The following USH2A variants were observed in gnomAD, a reference collection of about 807,000 sequenced individuals.
USH2A encodes the protein Usher syndrome 2A (autosomal recessive, mild).
Under a neutral mutation model 538.9 loss-of-function variants are expected in USH2A, and 443 were observed. The observed-to-expected ratio is 0.82, with a 90% CI of 0.76 to 0.89. The LOEUF (loss-of-function observed/expected upper bound fraction) is 0.89, where lower values mean the gene tolerates loss of function less well. USH2A is among the 40% of genes least tolerant of loss of function. USH2A has a pLI of 0.00. For missense variants in USH2A, 6,633 were observed against 6,324.8 expected (o/e 1.05, Z -1.65); for synonymous variants, 2,413 against 2,273.5 (o/e 1.06, Z -1.75).
intron 4 of USH2A, among the ~76,000 whole-genome samples, chr1:216,359,929 G>A (rs1322250911): frequency 6.6e-6 from 1 of 152,130 alleles, no homozygotes; most frequent in Non-Finnish European, 1.5e-5. Context: ...TGCTGGTGAG[G>A]ATGTGGGGCA....
chr1:216,370,783 G>T (rs1393947275), intron 3 of USH2A, among the ~76,000 whole-genome samples: 2 of 150,964 alleles, frequency 1.3e-5, no homozygotes, highest in Non-Finnish European at 2.9e-5. Context: ...GTTGCAGTCA[G>T]TTAGGGTTTT....
At chr1:215,974,869 G>C (rs1667585492) in intron 35 of USH2A, among the ~76,000 whole-genome samples, 1 of 152,140 alleles carries the variant, frequency 6.6e-6, no homozygotes, top group Non-Finnish European at 1.5e-5. Flanking sequence ...ATGGGTTGCT[G>C]GGTCAAATGG....
chr1:216,142,198 G>T (rs2033616319), intron 21 of USH2A, among the ~76,000 whole-genome samples: 1 of 152,194 alleles, frequency 6.6e-6, no homozygotes, highest in South Asian at 2.1e-4. Context: ...ATTCATAAAA[G>T]ATGAAATGTG....
intron 14 of USH2A, among the ~76,000 whole-genome samples, chr1:216,225,546 C>A (rs955256982): frequency 6.6e-6 from 1 of 152,052 alleles, no homozygotes; most frequent in Non-Finnish European, 1.5e-5. Flanking sequence ...CCATGGGAAG[C>A]TTTATTCTTT....
chr1:216,167,623 G>A (rs1313952038), intron 21 of USH2A, among the ~76,000 whole-genome samples: 5 of 152,078 alleles, frequency 3.3e-5, no homozygotes, highest in African/African-American at 4.8e-5. Context: ...GAGAAGGGAC[G>A]CAAGACCTCG....
intron 38 of USH2A, among the ~76,000 whole-genome samples, chr1:215,929,139 C>T (rs1406988656): frequency 1.8e-5 from 2 of 108,952 alleles, no homozygotes; most frequent in Non-Finnish European, 3.8e-5. Flanking sequence ...TTGCTTTGGG[C>T]TAGCATTAAC....
At chr1:216,354,299 A>G (rs55720440) in intron 4 of USH2A, among the ~76,000 whole-genome samples, 1,824 of 152,266 alleles carry the variant, frequency 0.012, 20 homozygotes, top group Non-Finnish European at 0.02. Context: ...CACCTCTTTC[A>G]TTCTTTTACG....
intron 64 of USH2A, among the ~76,000 whole-genome samples, chr1:215,657,352 C>T (rs183108471): frequency 4.6e-5 from 7 of 152,238 alleles, no homozygotes; most frequent in Admixed American, 3.9e-4. Flanking sequence ...TTGCTGGAAT[C>T]GCGGTTAAAG....
intron 11 of USH2A, among the ~76,000 whole-genome samples, chr1:216,285,679 C>G (rs199917829): frequency 6.6e-6 from 1 of 152,196 alleles, no homozygotes; most frequent in African/African-American, 2.4e-5. Context: ...CACAGACACT[C>G]AATGCCAGCC....
At chr1:216,188,814 C>G (rs2034658820) in intron 20 of USH2A, among the ~76,000 whole-genome samples, 1 of 151,872 alleles carries the variant, frequency 6.6e-6, no homozygotes, top group Non-Finnish European at 1.5e-5. Flanking sequence ...GATGTGATTC[C>G]AGTTTTGCAT....
intron 44 of USH2A, among the ~76,000 whole-genome samples, chr1:215,858,117 C>A (rs1214963678): frequency 2.0e-5 from 3 of 151,978 alleles, no homozygotes; most frequent in Non-Finnish European, 4.4e-5. Context: ...GTATTTGATG[C>A]AATAGAAAGA....
intron 32 of USH2A, among the ~76,000 whole-genome samples, chr1:216,004,124 A>G (rs1668336594): frequency 6.6e-6 from 1 of 152,182 alleles, no homozygotes; most frequent in African/African-American, 2.4e-5. Flanking sequence ...AAGAATTCAT[A>G]TAATGAATGT....
intron 20 of USH2A, among the ~76,000 whole-genome samples, chr1:216,179,669 T>C (rs1283121608): frequency 6.6e-6 from 1 of 152,020 alleles, no homozygotes; most frequent in Non-Finnish European, 1.5e-5. Context: ...GTCAATCAAT[T>C]AAACTAGACT....
At chr1:215,933,497 AT>A (rs1201358388) in intron 38 of USH2A, among the ~76,000 whole-genome samples, 2 of 152,020 alleles carry the variant, frequency 1.3e-5, no homozygotes, top group Non-Finnish European at 2.9e-5. Flanking sequence ...AGTTTCAAGT[AT>A]TTTAGTAAAC....
chr1:215,755,598 A>G (rs1483017066), intron 58 of USH2A, among the ~76,000 whole-genome samples: 1 of 152,218 alleles, frequency 6.6e-6, no homozygotes, highest in African/African-American at 2.4e-5. Flanking sequence ...ATTTAATTGA[A>G]GATTTTAATC....
intron 47 of USH2A, among the ~76,000 whole-genome samples, chr1:215,837,555 T>G (rs1663566622): frequency 6.6e-6 from 1 of 152,218 alleles, no homozygotes; most frequent in African/African-American, 2.4e-5. Flanking sequence ...ACAAAATTGG[T>G]AATGCTTATC....
At chr1:216,310,102 C>T (rs1184517134) in intron 9 of USH2A, among the ~76,000 whole-genome samples, 2 of 152,058 alleles carry the variant, frequency 1.3e-5, no homozygotes, top group Non-Finnish European at 1.5e-5. Context: ...CTAACAATCT[C>T]TCTCTTTTAA....
intron 61 of USH2A, among the ~76,000 whole-genome samples, chr1:215,702,205 C>G (rs1439332587): frequency 6.6e-6 from 1 of 152,198 alleles, no homozygotes; most frequent in African/African-American, 2.4e-5. Context: ...GTCTGATGGG[C>G]TTCCCTTTGT....
chr1:215,999,194 A>C (rs1409619650), intron 33 of USH2A, 136 bp from the exon 34 acceptor site: 4 of 789,026 alleles, frequency 5.1e-6, no homozygotes, highest in African/African-American at 3.5e-5. Flanking sequence ...ATTCATTTAA[A>C]ATAAAACACT....
Sources: gnomAD v4.1 joint callset for allele counts (sites outside exome capture counted in the v4.1 genomes callset) on GRCh38, gnomAD v4.1.1 for gene constraint, MANE v1.5 for transcripts, NCBI Gene and HGNC (gene_info 2026-07-23, HGNC 2026-07-21) for gene names.